EML4: variants seen among roughly 807,000 people sequenced by gnomAD.
The protein encoded by EML4 is echinoderm microtubule-associated protein-like 4.
EML4 carries 72 observed loss-of-function variants against 129.0 expected under a neutral mutation model. That is an observed-to-expected ratio of 0.56 (90% CI 0.46 to 0.68). The LOEUF (loss-of-function observed/expected upper bound fraction) is 0.68, where lower values mean the gene tolerates loss of function less well. Ranked by LOEUF, EML4 falls within the 30% of genes least tolerant of loss-of-function variation. The probability of loss-of-function intolerance (pLI) is 0.00; values close to 1 mark genes in which losing one functional copy is unlikely to be tolerated. For missense variants in EML4, 1,363 were observed against 1,190.6 expected (o/e 1.14, Z -2.13); for synonymous variants, 532 against 405.0 (o/e 1.31, Z -3.77).
intron 1 of EML4, among the ~76,000 whole-genome samples, chr2:42,227,473 CTTTTT>C (rs201223334): frequency 1.5e-5 from 2 of 133,164 alleles, no homozygotes; most frequent in African/African-American, 2.7e-5. Flanking sequence ...CCTGTTAAGG[CTTTTT>C]TTTTTTTTTT....
chr2:42,260,396 G>A (rs1665654540), intron 3 of EML4, among the ~76,000 whole-genome samples: 1 of 151,810 alleles, frequency 6.6e-6, no homozygotes, highest in South Asian at 2.1e-4. Flanking sequence ...TTGAATTCCT[G>A]ACCTCAGGTG....
intron 19 of EML4, among the ~76,000 whole-genome samples, chr2:42,322,846 A>G (rs975004468): frequency 3.3e-5 from 5 of 152,210 alleles, no homozygotes; most frequent in African/African-American, 7.2e-5. Context: ...GCTGCATTTC[A>G]TCTTTTCTTT....
At chr2:42,188,651 C>A (rs376764766) in intron 1 of EML4, among the ~76,000 whole-genome samples, 1 of 151,668 alleles carries the variant, frequency 6.6e-6, no homozygotes, top group Admixed American at 6.6e-5. Context: ...GTTAGCCTCC[C>A]GAGTAGCAGG....
intron 13 of EML4, among the ~76,000 whole-genome samples, chr2:42,300,849 T>G (rs1047557257): frequency 4.6e-5 from 7 of 152,194 alleles, no homozygotes; most frequent in African/African-American, 1.7e-4. Context: ...GCTGCTCCTG[T>G]ACCTCTTGTG....
intron 1 of EML4, among the ~76,000 whole-genome samples, chr2:42,215,351 C>A (rs927742887): frequency 1.3e-5 from 2 of 152,166 alleles, no homozygotes; most frequent in Non-Finnish European, 2.9e-5. Context: ...CCATGCCCAG[C>A]CATAAAACCA....
At chr2:42,290,379 G>A (rs988571643) in intron 11 of EML4, among the ~76,000 whole-genome samples, 9 of 152,004 alleles carry the variant, frequency 5.9e-5, no homozygotes, top group Non-Finnish European at 1.2e-4. Context: ...GGGCAGCCCA[G>A]ATGACCCGAG....
chr2:42,263,334 C>A (rs1197580968), intron 5 of EML4, 28 bp downstream of exon 5: 2 of 1,545,736 alleles, frequency 1.3e-6, no homozygotes, highest in Non-Finnish European at 1.8e-6. Flanking sequence ...TTCATTATAT[C>A]TGAAAAGTAA....
Position 42,306,700 on chromosome 2 carries a change from C to G in EML4, c.1967+2149C>G, listed in dbSNP as rs565275482. Among the ~76,000 whole-genome samples the G allele has an allele frequency of 9.3e-5, 14 of 150,402 alleles. No homozygotes were observed. The South Asian group carries it at 3.0e-3, about 32-fold the overall frequency. ...TGTATTTTTAGTAGAGACAGAGTTT[C>G]ACCGTGTTAGCCAGGATGGTCTCAA... On this transcript the variant is annotated intron_variant, in intron 17 of 22. Transcript: ENST00000318522.
At chr2:42,265,812 G>A (rs1207056594) in intron 6 of EML4, among the ~76,000 whole-genome samples, 1 of 152,106 alleles carries the variant, frequency 6.6e-6, no homozygotes, top group African/African-American at 2.4e-5. Context: ...CTTTTATATT[G>A]ATTGTAACTT....
chr2:42,329,106 T>A, intron 22 of EML4, 90 bp downstream of exon 22: 1 of 1,343,478 alleles, frequency 7.4e-7, no homozygotes, highest in Non-Finnish European at 1.0e-6. Context: ...GGTTACTGAT[T>A]CCTCTCCATG....
At chr2:42,184,484 A>T (rs915325749) in intron 1 of EML4, among the ~76,000 whole-genome samples, 8 of 149,190 alleles carry the variant, frequency 5.4e-5, no homozygotes, top group African/African-American at 2.0e-4. Context: ...GATAAACTCT[A>T]GTATGGTGTC....
At chr2:42,189,638 T>A (rs1230324628) in intron 1 of EML4, among the ~76,000 whole-genome samples, 1 of 152,148 alleles carries the variant, frequency 6.6e-6, no homozygotes, top group Non-Finnish European at 1.5e-5. Flanking sequence ...ACTAACAATC[T>A]TAGGAATTAG....
At chr2:42,196,757 C>G (rs1414495542) in intron 1 of EML4, among the ~76,000 whole-genome samples, 1 of 152,196 alleles carries the variant, frequency 6.6e-6, no homozygotes, top group Non-Finnish European at 1.5e-5. Context: ...AAATTAGTAA[C>G]TTCCCTTCCC....
chr2:42,193,229 C>T (rs1207653172), intron 1 of EML4, among the ~76,000 whole-genome samples: 2 of 152,078 alleles, frequency 1.3e-5, no homozygotes, highest in African/African-American at 4.8e-5. Flanking sequence ...TAGGTTATAC[C>T]GTATAGCCTA....
chr2:42,287,380 G>A (rs565860954), intron 10 of EML4, among the ~76,000 whole-genome samples: 1 of 152,228 alleles, frequency 6.6e-6, no homozygotes, highest in Non-Finnish European at 1.5e-5. Context: ...CTGTTGTCAG[G>A]TTGTTGATAA....
chr2:42,282,680 C>G, intron 7 of EML4, 143 bp from the exon 8 acceptor site: 1 of 715,782 alleles, frequency 1.4e-6, no homozygotes. Context: ...CGTGTGAGCA[C>G]TCTGCCCGTC....
At chr2:42,277,552 A>C (rs966446142) in intron 6 of EML4, among the ~76,000 whole-genome samples, 22 of 147,340 alleles carry the variant, frequency 1.5e-4, no homozygotes, top group Non-Finnish European at 2.7e-4. Context: ...TGAACTTCTC[A>C]CCCATAACAA....
intron 1 of EML4, among the ~76,000 whole-genome samples, chr2:42,186,655 C>G (rs1671265263): frequency 6.6e-6 from 1 of 152,166 alleles, no homozygotes; most frequent in Non-Finnish European, 1.5e-5. Flanking sequence ...GGGGATTTGT[C>G]TGGCATTTTC....
chr2:42,299,060 T>C (rs2103699642), intron 13 of EML4, among the ~76,000 whole-genome samples: 1 of 152,280 alleles, frequency 6.6e-6, no homozygotes, highest in Middle Eastern at 3.4e-3. Flanking sequence ...GTGAACACAG[T>C]TGTGTTGTTC....
Sources: gnomAD v4.1 joint callset for allele counts (sites outside exome capture counted in the v4.1 genomes callset) on GRCh38, gnomAD v4.1.1 for gene constraint, MANE v1.5 for transcripts, NCBI Gene and HGNC (gene_info 2026-07-23, HGNC 2026-07-21) for gene names.